The following ABRAXAS2 variants were observed in gnomAD, a reference collection of about 807,000 sequenced individuals.
The protein encoded by ABRAXAS2 is BRISC complex subunit Abraxas 2.
A neutral mutation model predicts 49.0 loss-of-function variants in ABRAXAS2; 23 were observed. The observed-to-expected ratio is 0.47, with a 90% CI of 0.34 to 0.66. ABRAXAS2 has a LOEUF of 0.66. Among genes scored for constraint, ABRAXAS2 ranks in the 30% least tolerant of loss-of-function variants. The probability of loss-of-function intolerance (pLI) is 0.01; values close to 1 mark genes in which losing one functional copy is unlikely to be tolerated. For synonymous variants in ABRAXAS2, 168 were observed against 180.2 expected, an observed-to-expected ratio of 0.93 and a Z score of 0.54; for missense variants, 443 against 511.9, an observed-to-expected ratio of 0.87 and a Z score of 1.30.
intron 4 of ABRAXAS2, among the ~76,000 whole-genome samples, chr10:124,822,254 A>G (rs1365993897): frequency 6.6e-6 from 1 of 152,234 alleles, no homozygotes; most frequent in East Asian, 1.9e-4. Flanking sequence ...GTAATGACAT[A>G]GAAAGATCTC....
intron 4 of ABRAXAS2, 116 bp downstream of exon 4, chr10:124,819,566 T>G: frequency 2.1e-6 from 2 of 948,180 alleles, no homozygotes; most frequent in Non-Finnish European, 3.2e-6. Context: ...ATGTAAAAGT[T>G]TTGTTAACCT....
At chr10:124,824,600 C>T (rs1449373722) in intron 4 of ABRAXAS2, among the ~76,000 whole-genome samples, 1 of 151,448 alleles carries the variant, frequency 6.6e-6, no homozygotes, top group Non-Finnish European at 1.5e-5. Flanking sequence ...TTCGAATTGG[C>T]ATAACTGAAA....
rs1417938509 is a variant in ABRAXAS2, at chr10:124,826,623, G to A, written c.296G>A (p.Arg99His). Residue 99 changes from arginine (R) to histidine (H), a missense_variant, in exon 5 of 9, where the codon CGC becomes CAC. Coordinates refer to ENST00000298492, the MANE Select transcript of ABRAXAS2 (RefSeq NM_032182.4). ...KKVIGWYRFR[R>H]NTQQQMSYRE... ...GTCATTGGGTGGTACAGATTCCGGCGCAATACGCAGCAGCAGATGTCCTAC... is the reference window on the plus strand; with the variant it reads ...GTCATTGGGTGGTACAGATTCCGGCACAATACGCAGCAGCAGATGTCCTAC... 3.1e-6 allele frequency: 5 copies of A among 1,613,678 alleles called. No homozygotes were observed. Among genetic ancestry groups the A allele is most frequent in the Non-Finnish European group, 3.4e-6 (4 of 1,179,890 alleles).
At chr10:124,832,870 G>A (rs1022742348) in intron 8 of ABRAXAS2, among the ~76,000 whole-genome samples, 7 of 151,140 alleles carry the variant, frequency 4.6e-5, no homozygotes, top group Non-Finnish European at 8.8e-5. Flanking sequence ...TAAAGAGGCC[G>A]GGCATGCTGG....
chr10:124,811,392 C>A (rs958602206), intron 2 of ABRAXAS2, among the ~76,000 whole-genome samples: 6 of 152,000 alleles, frequency 3.9e-5, no homozygotes, highest in South Asian at 4.1e-4. Context: ...CTGGCATGAT[C>A]ACAAAAATAG....
chr10:124,831,282 G>C (rs140065578), intron 7 of ABRAXAS2, 67 bp from the exon 8 acceptor site: 8 of 936,926 alleles, frequency 8.5e-6, no homozygotes, highest in Non-Finnish European at 1.1e-5. Flanking sequence ...GTTGTAATCA[G>C]CGCTGAATTT....
intron 2 of ABRAXAS2, among the ~76,000 whole-genome samples, chr10:124,811,908 G>T (rs1236350692): frequency 2.6e-5 from 4 of 152,054 alleles, no homozygotes; most frequent in African/African-American, 4.8e-5. Flanking sequence ...CTCCCAAGTA[G>T]CTGGGGTTAC....
At chr10:124,815,942 G>C (rs1276226049) in intron 2 of ABRAXAS2, among the ~76,000 whole-genome samples, 1 of 133,690 alleles carries the variant, frequency 7.5e-6, no homozygotes, top group African/African-American at 2.9e-5. Context: ...TCGCTCTGTT[G>C]CCCAGGCTGG....
At chr10:124,802,588 A>T in intron 1 of ABRAXAS2, among the ~76,000 whole-genome samples, 1 of 152,212 alleles carries the variant, frequency 6.6e-6, no homozygotes. Flanking sequence ...GTGAGCCCAC[A>T]GGAGGAGCAG....
chr10:124,828,924 C>A (rs1285082531), intron 6 of ABRAXAS2, 49 bp downstream of exon 6: 2 of 1,587,734 alleles, frequency 1.3e-6, no homozygotes, highest in Non-Finnish European at 1.7e-6. Context: ...AGCAATATTT[C>A]TTTTGTTAAT....
At chr10:124,832,058 G>A (rs1950937200) in intron 8 of ABRAXAS2, among the ~76,000 whole-genome samples, 2 of 151,440 alleles carry the variant, frequency 1.3e-5, no homozygotes, top group Admixed American at 6.6e-5. Context: ...GTAGAGATGG[G>A]GTTTCACCAT....
chr10:124,836,489 T>C lies in ABRAXAS2; in HGVS notation c.*1518T>C, dbSNP rs1950969262. 1 of 152,460 alleles carries C rather than the reference T, an allele frequency of 6.6e-6. No individual in the cohort carries two copies. Among genetic ancestry groups the C allele is most frequent in the South Asian group, 2.1e-4 (1 of 4,830 alleles). 9.4% of individuals were successfully genotyped at this position (152,460 alleles called of 1,614,324 possible). The stretch of plus-strand genomic sequence containing the variant: ...CAAATGTGTTCCAGTTGTTATCAGC[T>C]ACCTACTACGCAGCTTCAGCGCCAG... On this transcript the variant is annotated 3_prime_UTR_variant, in exon 9 of 9. Transcript: ENST00000298492.
intron 8 of ABRAXAS2, among the ~76,000 whole-genome samples, chr10:124,831,666 TGAA>T (rs1281489787): frequency 2.0e-5 from 3 of 151,994 alleles, no homozygotes; most frequent in Admixed American, 1.3e-4. Context: ...CTCTGACACT[TGAA>T]GAAAAAGAAG....
chr10:124,830,361 G>A (rs1340401327), intron 7 of ABRAXAS2, among the ~76,000 whole-genome samples: 1 of 152,206 alleles, frequency 6.6e-6, no homozygotes, highest in Non-Finnish European at 1.5e-5. Context: ...AAGGAGGATT[G>A]CTTGAGTACA....
chr10:124,821,022 T>C (rs1589807125), intron 4 of ABRAXAS2, among the ~76,000 whole-genome samples: 1 of 151,736 alleles, frequency 6.6e-6, no homozygotes, highest in African/African-American at 2.4e-5. Context: ...CAGGTGATCC[T>C]CCCACCTCAG....
chr10:124,834,861 T>C lies in ABRAXAS2; in HGVS notation c.1138T>C (p.Leu380=), dbSNP rs774549298. The C allele has an allele frequency of 5.0e-6, 8 of 1,613,990 alleles. No individual in the cohort carries two copies. Among genetic ancestry groups the C allele is most frequent in the African/African-American group, 1.3e-5 (1 of 74,878 alleles). Residue 380 remains leucine (L), a synonymous_variant, in exon 9 of 9, where the codon TTG becomes CTG. Transcript: ENST00000298492. ...TTCAGACGACAGTGATTATGAAAAT[T>C]TGATTGACCCTACAGAGCCTTCTAA... is the stretch of plus-strand genomic sequence containing the variant. The part of the protein sequence containing the change: ...EDSDDSDYEN[L]IDPTEPSNSE...
At chr10:124,825,939 T>C (rs1217660800) in intron 4 of ABRAXAS2, among the ~76,000 whole-genome samples, 1 of 152,206 alleles carries the variant, frequency 6.6e-6, no homozygotes, top group Non-Finnish European at 1.5e-5. Flanking sequence ...CTTTCAGATA[T>C]CTCTGAAGTC....
At chr10:124,802,099 C>G (rs1156639194) in intron 1 of ABRAXAS2, among the ~76,000 whole-genome samples, 198 bp downstream of exon 1, 1 of 152,172 alleles carries the variant, frequency 6.6e-6, no homozygotes, top group Admixed American at 6.5e-5. Context: ...GACAGGCCCC[C>G]TGGCTTCGCG....
chr10:124,820,197 T>G (rs550931734), intron 4 of ABRAXAS2, among the ~76,000 whole-genome samples: 1 of 152,120 alleles, frequency 6.6e-6, no homozygotes, highest in African/African-American at 2.4e-5. Context: ...AAAGGAAGAA[T>G]AGGAAGTGTG....
Sources: allele counts gnomAD v4.1 joint callset (sites outside exome capture counted in the v4.1 genomes callset), GRCh38; gene constraint gnomAD v4.1.1; transcripts MANE v1.5; gene names NCBI Gene and HGNC (gene_info 2026-07-23, HGNC 2026-07-21).